The following FBXL17 variants were observed in gnomAD, a reference collection of about 807,000 sequenced individuals.
The protein encoded by FBXL17 is F-box/LRR-repeat protein 17.
A neutral mutation model predicts 66.2 loss-of-function variants in FBXL17; 22 were observed. That is an observed-to-expected ratio of 0.33 (90% CI 0.24 to 0.47). FBXL17 has a LOEUF of 0.47. Among genes scored for constraint, FBXL17 ranks in the 20% least tolerant of loss-of-function variants. The pLI is 1.00. For synonymous variants in FBXL17, 474 were observed against 400.5 expected, an observed-to-expected ratio of 1.18 and a Z score of -2.19; for missense variants, 878 against 948.2, an observed-to-expected ratio of 0.93 and a Z score of 0.97.
At chr5:108,222,714 C>T (rs1754921903) in intron 5 of FBXL17, among the ~76,000 whole-genome samples, 1 of 143,678 alleles carries the variant, frequency 7.0e-6, no homozygotes, top group South Asian at 2.2e-4. Flanking sequence ...TCATCTGTCG[C>T]CCGGGCTGGA....
At chr5:107,869,575 A>G (rs949111885) in intron 8 of FBXL17, among the ~76,000 whole-genome samples, 1 of 152,214 alleles carries the variant, frequency 6.6e-6, no homozygotes, top group Non-Finnish European at 1.5e-5. Flanking sequence ...AGGATCCTGC[A>G]CAGCTGACAA....
At chr5:108,277,301 T>C (rs1757521828) in intron 4 of FBXL17, among the ~76,000 whole-genome samples, 1 of 152,186 alleles carries the variant, frequency 6.6e-6, no homozygotes, top group South Asian at 2.1e-4. Context: ...AATAATCTGA[T>C]TTTATTGTTA....
intron 7 of FBXL17, among the ~76,000 whole-genome samples, chr5:107,922,488 T>TA (rs1237954688): frequency 6.6e-6 from 1 of 152,056 alleles, no homozygotes; most frequent in Non-Finnish European, 1.5e-5. Context: ...CATAATAGGT[T>TA]AAAAAACCCT....
At chr5:108,060,619 G>A (rs1403136627) in intron 6 of FBXL17, among the ~76,000 whole-genome samples, 1 of 152,006 alleles carries the variant, frequency 6.6e-6, no homozygotes, top group African/African-American at 2.4e-5. Context: ...ATTCATCCTA[G>A]AAAATCAACA....
intron 1 of FBXL17, among the ~76,000 whole-genome samples, chr5:108,378,487 T>G (rs1438109013): frequency 7.3e-6 from 1 of 137,138 alleles, no homozygotes; most frequent in Non-Finnish European, 1.6e-5. Flanking sequence ...GATGATAGAC[T>G]TGTGCCTCTC....
chr5:107,988,165 T>C (rs12514413), intron 7 of FBXL17, among the ~76,000 whole-genome samples: 25,813 of 151,918 alleles, frequency 0.17, 2,698 homozygotes, highest in Middle Eastern at 0.24. Flanking sequence ...TATTCAGAAG[T>C]CCTCTTCAAA....
In FBXL17 at chr5:108,380,851, C is replaced by T; in HGVS notation, c.841G>A (p.Ala281Thr). Residue 281 changes from alanine (A) to threonine (T), a missense_variant, in exon 1 of 9, where the codon GCC becomes ACC. Coordinates refer to ENST00000542267, the MANE Select transcript of FBXL17 (RefSeq NM_001163315.3). ...PTEAGGDAVR[A>T]GGTAPLSAQQ... Reference sequence around the variant, plus strand: ...GCGGACAAGGGGGCGGTGCCCCCGGCTCGGACAGCGTCCCCGCCAGCTTCG... The same window carrying T: ...GCGGACAAGGGGGCGGTGCCCCCGGTTCGGACAGCGTCCCCGCCAGCTTCG... 8.0e-7 allele frequency: 1 copy of T among 1,246,430 alleles called. No individual in the cohort carries two copies. The highest frequency in any genetic ancestry group is 1.0e-6 in the Non-Finnish European group (1 of 988,130). 77.2% of individuals were successfully genotyped at this position (1,246,430 alleles called of 1,614,324 possible).
chr5:107,980,479 G>C (rs1483015297), intron 7 of FBXL17, among the ~76,000 whole-genome samples: 1 of 148,590 alleles, frequency 6.7e-6, no homozygotes, highest in African/African-American at 2.5e-5. Context: ...GGGACTACAA[G>C]CTCATGCCAC....
intron 7 of FBXL17, among the ~76,000 whole-genome samples, chr5:107,990,513 G>T (rs1476540600): frequency 6.6e-6 from 1 of 151,974 alleles, no homozygotes; most frequent in Non-Finnish European, 1.5e-5. Flanking sequence ...ATTATTTTGG[G>T]CAGGTTATGT....
intron 5 of FBXL17, among the ~76,000 whole-genome samples, chr5:108,221,470 C>T (rs1316667530): frequency 6.6e-6 from 1 of 152,142 alleles, no homozygotes; most frequent in African/African-American, 2.4e-5. Context: ...AATACAGGCA[C>T]ATAATTTCAA....
At chr5:108,184,249 C>T (rs1245289176) in intron 6 of FBXL17, among the ~76,000 whole-genome samples, 4 of 152,090 alleles carry the variant, frequency 2.6e-5, no homozygotes, top group Non-Finnish European at 5.9e-5. Flanking sequence ...CCAACAGAAA[C>T]GCCATCTCTA....
intron 6 of FBXL17, among the ~76,000 whole-genome samples, chr5:108,095,460 G>A (rs1029378517): frequency 6.6e-6 from 1 of 152,006 alleles, no homozygotes; most frequent in African/African-American, 2.4e-5. Context: ...TATTAACAAA[G>A]AAATTATTGA....
intron 4 of FBXL17, chr5:108,299,305 C>A (rs907156246): frequency 1.0e-6 from 1 of 984,538 alleles, no homozygotes; most frequent in East Asian, 1.1e-4. Flanking sequence ...CTGAGGTTCT[C>A]ACCCACCCAT....
intron 6 of FBXL17, among the ~76,000 whole-genome samples, chr5:108,086,270 C>G (rs549500874): frequency 6.6e-6 from 1 of 152,070 alleles, no homozygotes; most frequent in African/African-American, 2.4e-5. Flanking sequence ...GCCCCATAAT[C>G]GGGAGGAAAA....
chr5:108,242,376 GTTGTTGTT>G (rs1410075103), intron 4 of FBXL17, among the ~76,000 whole-genome samples: 1 of 151,354 alleles, frequency 6.6e-6, no homozygotes, highest in East Asian at 1.9e-4. Context: ...TGTTGTTGTT[GTTGTTGTT>G]GTTGTTGTTG....
At chr5:108,226,680 T>C (rs1468207147) in intron 4 of FBXL17, among the ~76,000 whole-genome samples, 1 of 152,166 alleles carries the variant, frequency 6.6e-6, no homozygotes, top group Admixed American at 6.5e-5. Flanking sequence ...ATCAGTAGAC[T>C]GAGTGAAGCA....
At chr5:107,895,530 C>T (rs1749349016) in intron 7 of FBXL17, among the ~76,000 whole-genome samples, 1 of 152,116 alleles carries the variant, frequency 6.6e-6, no homozygotes, top group Non-Finnish European at 1.5e-5. Context: ...TTCACAAGCT[C>T]TTTTAATTTT....
intron 7 of FBXL17, among the ~76,000 whole-genome samples, chr5:107,922,388 A>G (rs991839951): frequency 3.3e-5 from 5 of 152,152 alleles, no homozygotes; most frequent in African/African-American, 1.2e-4. Flanking sequence ...ATTTTGGTAA[A>G]GATGATGTTG....
At chr5:107,932,254 T>C (rs1432793214) in intron 7 of FBXL17, among the ~76,000 whole-genome samples, 2 of 152,208 alleles carry the variant, frequency 1.3e-5, no homozygotes, top group Middle Eastern at 3.2e-3. Context: ...GTTTATTTTA[T>C]AATTTTATGA....
Sources: allele counts gnomAD v4.1 joint callset (sites outside exome capture counted in the v4.1 genomes callset), GRCh38; gene constraint gnomAD v4.1.1; transcripts MANE v1.5; gene names NCBI Gene and HGNC (gene_info 2026-07-23, HGNC 2026-07-21).